ERAP1: variants seen among roughly 807,000 people sequenced by gnomAD.
The protein encoded by ERAP1 is endoplasmic reticulum aminopeptidase 1.
A neutral mutation model predicts 103.7 loss-of-function variants in ERAP1; 86 were observed. The ratio of observed to expected loss-of-function variants is 0.83; its 90% CI spans 0.70 to 0.99. The LOEUF is 0.99. Among genes scored for constraint, ERAP1 ranks in the 50% least tolerant of loss-of-function variants. The pLI, the probability that ERAP1 is intolerant of heterozygous loss-of-function variation, is 0.00. For synonymous variants in ERAP1, 398 were observed against 402.4 expected (o/e 0.99, Z 0.13); for missense variants, 1,009 against 1,128.4 (o/e 0.89, Z 1.52).
At chr5:96,777,345 A>T (rs559869197) in intron 18 of ERAP1, among the ~76,000 whole-genome samples, 2 of 152,292 alleles carry the variant, frequency 1.3e-5, no homozygotes, top group African/African-American at 4.8e-5. Context: ...TTGATTTGGT[A>T]TTCAGGAAGC....
rs1396040921 is a variant in ERAP1, at chr5:96,801,657, C to A, written c.525-657G>T. On this transcript the variant is annotated intron_variant, in intron 2 of 18. Transcript: ENST00000443439. ...TCACGAGGACAGGAGTTCGAGACCA[C>A]CCTGGCCAACATGGTGAAACCCCAT... 2.0e-5 allele frequency among the ~76,000 whole-genome samples: 3 copies of A among 150,236 alleles called. No individual in the cohort carries two copies. The South Asian group carries it at 6.3e-4, about 32-fold the overall frequency.
the ERAP1 span, among the ~76,000 whole-genome samples, chr5:96,867,072 C>A: frequency 6.6e-6 from 1 of 151,068 alleles, no homozygotes; most frequent in Non-Finnish European, 1.5e-5. Flanking sequence ...AGTGGTACAA[C>A]CTTGGCTCAC....
At chr5:96,825,601 G>T in the ERAP1 span, among the ~76,000 whole-genome samples, 1 of 152,122 alleles carries the variant, frequency 6.6e-6, no homozygotes, top group Non-Finnish European at 1.5e-5. Flanking sequence ...TTGAATGAAA[G>T]GAAGAAGACA....
the ERAP1 span, among the ~76,000 whole-genome samples, chr5:96,930,863 A>G: frequency 6.6e-6 from 1 of 152,206 alleles, no homozygotes; most frequent in Non-Finnish European, 1.5e-5. Flanking sequence ...ATGCTTGGAC[A>G]TAAGGGAGGT....
At chr5:96,876,230 G>C in the ERAP1 span, 1 of 152,332 alleles carries the variant, frequency 6.6e-6, no homozygotes, top group Non-Finnish European at 1.5e-5. Context: ...TGTTCTGAAG[G>C]CTTTACCCTG....
chr5:96,890,586 C>A, the ERAP1 span, among the ~76,000 whole-genome samples: 1 of 152,172 alleles, frequency 6.6e-6, no homozygotes, highest in African/African-American at 2.4e-5. Context: ...AGTGACAAAA[C>A]AATTTTTTTC....
chr5:96,896,864 G>GT, the ERAP1 span: 1 of 974,270 alleles, frequency 1.0e-6, no homozygotes, highest in Non-Finnish European at 1.3e-6. Flanking sequence ...TCTGTCAAAT[G>GT]TAAGTCATAT....
At position 96,792,318 on chromosome 5, in the gene ERAP1, T is replaced by C. The variant is rs1776821803; in HGVS notation, c.1189-126A>G. On this transcript the variant is annotated intron_variant, in intron 7 of 18. Coordinates refer to ENST00000443439, the MANE Select transcript of ERAP1 (RefSeq NM_001040458.3). ...CATTTTGGGGGCAACCTATTCCATA[T>C]TTCCTAATATTTATGAAACAAAATA... The C allele has an allele frequency of 1.0e-5, 8 of 769,516 alleles. No homozygotes were observed. The South Asian group carries it at 1.3e-4, about 12-fold the overall frequency. The allele number at this position is 769,516 out of a possible 1,614,324, so 47.7% of individuals were successfully genotyped here. A position where few individuals can be genotyped will look rare whatever the true frequency, so the allele number is the denominator to read the frequency against.
chr5:96,762,914 T>A (rs1768502894), exon 20 of ERAP1: 1 of 488,338 alleles, frequency 2.0e-6, no homozygotes, highest in Non-Finnish European at 3.7e-6. Context: ...CAATATTGTT[T>A]TAATTATTTA....
chr5:96,782,251 C>T (rs1775316133), intron 15 of ERAP1, among the ~76,000 whole-genome samples: 1 of 152,062 alleles, frequency 6.6e-6, no homozygotes, highest in Non-Finnish European at 1.5e-5. Context: ...CCTCGTGATC[C>T]ACCCACCTCA....
At chr5:96,769,389 T>A (rs1771323247) in intron 19 of ERAP1, 1 of 135,204 alleles carries the variant, frequency 7.4e-6, no homozygotes, top group African/African-American at 2.6e-5. Flanking sequence ...AAACAGGGTT[T>A]TTTTTTGTTT....
At chr5:96,927,271 G>C in the ERAP1 span, among the ~76,000 whole-genome samples, 70 of 152,302 alleles carry the variant, frequency 4.6e-4, no homozygotes, top group Non-Finnish European at 7.9e-4. Flanking sequence ...ATTCCCATCA[G>C]CAGTGTATGT....
the ERAP1 span, among the ~76,000 whole-genome samples, chr5:96,905,090 G>GT: frequency 6.6e-6 from 1 of 152,142 alleles, no homozygotes; most frequent in Non-Finnish European, 1.5e-5. Flanking sequence ...AGATAAAGCA[G>GT]TAAGTGCAGT....
At chr5:96,903,316 T>C in the ERAP1 span, 4 of 1,295,684 alleles carry the variant, frequency 3.1e-6, no homozygotes, top group Non-Finnish European at 3.2e-6. Flanking sequence ...ATAACAGTTC[T>C]GGAGATGTTC....
At chr5:96,923,819 T>A in the ERAP1 span, among the ~76,000 whole-genome samples, 2 of 152,204 alleles carry the variant, frequency 1.3e-5, no homozygotes, top group Non-Finnish European at 2.9e-5. Context: ...AAATATTACA[T>A]TGTAACTCAC....
the ERAP1 span, among the ~76,000 whole-genome samples, chr5:96,916,779 T>A: frequency 9.3e-5 from 14 of 150,254 alleles, no homozygotes; most frequent in Admixed American, 6.1e-4. Flanking sequence ...TTTTTTTTTT[T>A]AAAGCATTAT....
At chr5:96,815,260 G>A in the ERAP1 span, among the ~76,000 whole-genome samples, 1 of 152,102 alleles carries the variant, frequency 6.6e-6, no homozygotes, top group African/African-American at 2.4e-5. Flanking sequence ...TAAAATCTGT[G>A]TGAGTTTAGC....
the ERAP1 span, among the ~76,000 whole-genome samples, chr5:96,930,580 C>G: frequency 6.6e-6 from 1 of 152,182 alleles, no homozygotes; most frequent in Non-Finnish European, 1.5e-5. Flanking sequence ...AGGCTGCAAC[C>G]CTTTATGAGA....
At chr5:96,770,739 G>A (rs574220899), downstream of ERAP1, 87 of 588,158 alleles carry the variant, frequency 1.5e-4, no homozygotes, top group Admixed American at 7.5e-4. Flanking sequence ...CCATAGCATC[G>A]CTTGGTAAAG....
Sources: allele counts gnomAD v4.1 joint callset (sites outside exome capture counted in the v4.1 genomes callset), GRCh38; gene constraint gnomAD v4.1.1; transcripts MANE v1.5; gene names NCBI Gene and HGNC (gene_info 2026-07-23, HGNC 2026-07-21).